The following YJU2 variants were observed in gnomAD, a reference collection of about 807,000 sequenced individuals.
YJU2 encodes the protein splicing factor YJU2.
Under a neutral mutation model 39.6 loss-of-function variants are expected in YJU2, and 28 were observed. That is an observed-to-expected ratio of 0.71 (90% CI 0.52 to 0.97). The LOEUF (loss-of-function observed/expected upper bound fraction) is 0.97. Among genes scored for constraint, YJU2 ranks in the 50% least tolerant of loss-of-function variants. YJU2 has a pLI of 0.00. For synonymous variants in YJU2, 184 were observed against 182.4 expected, an observed-to-expected ratio of 1.01 and a Z score of -0.07; for missense variants, 328 against 430.4, an observed-to-expected ratio of 0.76 and a Z score of 2.11.
chr19:4,267,526 A>G, intron 6 of YJU2, 98 bp from the exon 7 acceptor site: 1 of 1,281,576 alleles, frequency 7.8e-7, no homozygotes, highest in Non-Finnish European at 1.1e-6. Context: ...GCAGCAGTGG[A>G]AGAGTGGGCA....
At chr19:4,251,260 T>C in intron 3 of YJU2, 89 bp downstream of exon 3, 1 of 1,236,634 alleles carries the variant, frequency 8.1e-7, no homozygotes, top group Non-Finnish European at 1.2e-6. Context: ...TCCAATCCTC[T>C]CCATCCAGGG....
intron 5 of YJU2, 41 bp downstream of exon 5, chr19:4,258,464 T>G: frequency 6.5e-7 from 1 of 1,544,226 alleles, no homozygotes; most frequent in African/African-American, 1.4e-5. Context: ...CCTCGCAGCC[T>G]CTGCCCCGGC....
intron 5 of YJU2, 98 bp downstream of exon 5, chr19:4,258,521 G>T: frequency 6.9e-7 from 1 of 1,456,086 alleles, no homozygotes; most frequent in Non-Finnish European, 9.1e-7. Flanking sequence ...CTGGAGTGTC[G>T]CCTTTGCAAG....
Position 4,258,404 on chromosome 19 carries a change from G to A in YJU2, c.568G>A (p.Glu190Lys). 1 of 1,593,258 alleles carries A rather than the reference G, an allele frequency of 6.3e-7. No homozygotes were observed. Among genetic ancestry groups the A allele is most frequent in the South Asian group, 1.1e-5 (1 of 87,458 alleles). ...EEERRRQQQE[E>K]DEQETAALLE... ...GGAGCGGCGGAGGCAGCAGCAGGAG[G>A]AGGACGAGCAGGAGACCGCGTGAGT... Residue 190 changes from glutamate (E) to lysine (K), a missense_variant, in exon 5 of 8, where the codon GAG (glutamate) becomes AAG (lysine). Physicochemically the swap from Glu to Lys is moderately conservative, Grantham distance 56. This residue lies in a region of YJU2 where 244 missense variants were observed against 264.6 expected (regional missense o/e 0.92). Transcript: ENST00000262962.
At chr19:4,247,597 GT>G (rs768534280) in intron 1 of YJU2, among the ~76,000 whole-genome samples, 15,561 of 28,360 alleles carry the variant, frequency 0.55, 4,728 homozygotes, top group South Asian at 0.71. Context: ...GTGTGTGTGT[GT>G]GTGTGTGTGT....
chr19:4,250,764 G>C (rs1193810353), intron 2 of YJU2, among the ~76,000 whole-genome samples: 1 of 152,060 alleles, frequency 6.6e-6, no homozygotes, highest in Non-Finnish European at 1.5e-5. Context: ...TTCTGGGAGT[G>C]CATGACAGGC....
At chr19:4,253,826 ATT>A (rs34331780) in intron 3 of YJU2, among the ~76,000 whole-genome samples, 94 of 147,492 alleles carry the variant, frequency 6.4e-4, no homozygotes, top group Middle Eastern at 3.5e-3. Flanking sequence ...AACCTTGGAG[ATT>A]TTTTTTTTTT....
At chr19:4,253,505 C>T (rs553765836) in intron 3 of YJU2, among the ~76,000 whole-genome samples, 9 of 151,690 alleles carry the variant, frequency 5.9e-5, no homozygotes, top group East Asian at 5.9e-4. Flanking sequence ...TGCTTGAACC[C>T]GGGAGGCTGA....
intron 4 of YJU2, among the ~76,000 whole-genome samples, chr19:4,257,222 A>G (rs1971028692): frequency 6.6e-6 from 1 of 152,028 alleles, no homozygotes; most frequent in Non-Finnish European, 1.5e-5. Flanking sequence ...ATTAAATGAG[A>G]TGGCATATGG....
chr19:4,262,626 A>G (rs967736477), intron 6 of YJU2, among the ~76,000 whole-genome samples: 2 of 151,756 alleles, frequency 1.3e-5, no homozygotes, highest in East Asian at 2.0e-4. Context: ...CTTTATTTAT[A>G]GGCGGGGTGC....
intron 4 of YJU2, among the ~76,000 whole-genome samples, chr19:4,256,176 AAAAAAATATAT>A (rs1475727867): frequency 1.8e-4 from 17 of 95,218 alleles, no homozygotes; most frequent in Middle Eastern, 4.5e-3. Flanking sequence ...TCGCAAAAAA[AAAAAAATATAT>A]ATATATATAT....
At chr19:4,249,199 TC>T (rs761337937) in intron 1 of YJU2, 28 bp from the exon 2 acceptor site, 2 of 1,478,898 alleles carry the variant, frequency 1.4e-6, no homozygotes, top group Non-Finnish European at 9.4e-7. Flanking sequence ...TGAAAATAAC[TC>T]CCCCAACGTT....
chr19:4,267,169 A>G (rs376283402), intron 6 of YJU2, among the ~76,000 whole-genome samples: 30 of 152,192 alleles, frequency 2.0e-4, no homozygotes, highest in African/African-American at 4.8e-4. Flanking sequence ...ACAGGAGCTC[A>G]CGGCAGAGTT....
intron 3 of YJU2, among the ~76,000 whole-genome samples, 199 bp downstream of exon 3, chr19:4,251,370 T>G (rs4807550): frequency 6.6e-6 from 1 of 151,804 alleles, no homozygotes; most frequent in South Asian, 2.1e-4. Flanking sequence ...GCAACCTAGA[T>G]AGATAATAAT....
chr19:4,253,672 G>A (rs1970996107), intron 3 of YJU2, among the ~76,000 whole-genome samples: 1 of 152,184 alleles, frequency 6.6e-6, no homozygotes, highest in South Asian at 2.1e-4. Context: ...GTTCCAGTGT[G>A]TAATTTAAGA....
intron 5 of YJU2, 69 bp downstream of exon 5, chr19:4,258,492 C>A (rs1433543369): frequency 9.3e-6 from 14 of 1,511,954 alleles, no homozygotes; most frequent in African/African-American, 1.4e-5. Flanking sequence ...GCCTCTGCCC[C>A]AGACCCTTTC....
chr19:4,247,237 A>G, intron 1 of YJU2, 67 bp downstream of exon 1: 1 of 1,407,334 alleles, frequency 7.1e-7, no homozygotes, highest in Non-Finnish European at 9.9e-7. Flanking sequence ...GAGAGGGAGG[A>G]GCTTCCTGAG....
At chr19:4,261,275 C>T (rs1043243063) in intron 5 of YJU2, among the ~76,000 whole-genome samples, 2 of 152,026 alleles carry the variant, frequency 1.3e-5, no homozygotes. Context: ...TCACATAAAC[C>T]ACTCCCAGAA....
chr19:4,255,536 T>C (rs1971012613), intron 4 of YJU2, among the ~76,000 whole-genome samples: 1 of 151,884 alleles, frequency 6.6e-6, no homozygotes, highest in Non-Finnish European at 1.5e-5. Flanking sequence ...AAGACCAGCC[T>C]GGCCAAGAGG....
Sources: allele counts gnomAD v4.1 joint callset (sites outside exome capture counted in the v4.1 genomes callset), GRCh38; gene constraint gnomAD v4.1.1; regional missense constraint gnomAD v4.1.1; transcripts MANE v1.5; gene names NCBI Gene and HGNC (gene_info 2026-07-23, HGNC 2026-07-21).